The following DCBLD2 variants were observed in gnomAD, a reference collection of about 807,000 sequenced individuals.
DCBLD2 encodes discoidin, CUB and LCCL domain-containing protein 2.
In DCBLD2, 54 loss-of-function variants were observed where a neutral mutation model predicts 86.8. The observed-to-expected ratio is 0.62, with a 90% CI of 0.50 to 0.78. The LOEUF (loss-of-function observed/expected upper bound fraction) is 0.78, where lower values mean the gene tolerates loss of function less well. Among genes scored for constraint, DCBLD2 ranks in the 30% least tolerant of loss-of-function variants. The pLI, the probability that DCBLD2 is intolerant of heterozygous loss-of-function variation, is 0.00. For synonymous variants in DCBLD2, 354 were observed against 341.3 expected (o/e 1.04, Z -0.41); for missense variants, 908 against 954.2 (o/e 0.95, Z 0.64).
intron 4 of DCBLD2, among the ~76,000 whole-genome samples, chr3:98,824,350 C>T (rs1183459018): frequency 7.2e-5 from 11 of 151,994 alleles, no homozygotes; most frequent in Non-Finnish European, 1.5e-4. Flanking sequence ...ATAATGGGAG[C>T]TTGGATTTGT....
chr3:98,836,037 A>T (rs1265029724), intron 3 of DCBLD2, among the ~76,000 whole-genome samples: 1 of 130,332 alleles, frequency 7.7e-6, no homozygotes, highest in Non-Finnish European at 1.7e-5. Context: ...ATTTTATAGT[A>T]ATAAATCAGT....
At chr3:98,818,563 T>A (rs1028907022) in intron 8 of DCBLD2, among the ~76,000 whole-genome samples, 23 of 152,232 alleles carry the variant, frequency 1.5e-4, no homozygotes, top group African/African-American at 5.1e-4. Flanking sequence ...CCCAGGTGTG[T>A]CTGTGAGGGT....
chr3:98,809,968 T>A (rs1254293997), intron 12 of DCBLD2, among the ~76,000 whole-genome samples: 1 of 152,170 alleles, frequency 6.6e-6, no homozygotes, highest in Non-Finnish European at 1.5e-5. Flanking sequence ...ATCAGAGGCT[T>A]TAAAACATCT....
chr3:98,866,486 C>T (rs1296641359), intron 2 of DCBLD2, among the ~76,000 whole-genome samples: 3 of 152,140 alleles, frequency 2.0e-5, no homozygotes, highest in Admixed American at 6.5e-5. Flanking sequence ...TTTCATGTGT[C>T]TTTTGGCTGC....
At chr3:98,849,003 C>T in intron 3 of DCBLD2, among the ~76,000 whole-genome samples, 1 of 152,034 alleles carries the variant, frequency 6.6e-6, no homozygotes, top group Non-Finnish European at 1.5e-5. Flanking sequence ...AACCCCATCT[C>T]TACTAAAAAT....
At chr3:98,889,954 C>A (rs1424818012) in intron 1 of DCBLD2, among the ~76,000 whole-genome samples, 1 of 151,912 alleles carries the variant, frequency 6.6e-6, no homozygotes, top group Non-Finnish European at 1.5e-5. Context: ...ACATGGTGTC[C>A]CCTCACCACC....
intron 2 of DCBLD2, among the ~76,000 whole-genome samples, chr3:98,865,815 T>C (rs1355421009): frequency 6.6e-6 from 1 of 151,594 alleles, no homozygotes; most frequent in East Asian, 1.9e-4. Flanking sequence ...ACCCATTAAC[T>C]CGTCATTTAC....
chr3:98,863,395 G>A (rs1226628237), intron 2 of DCBLD2, among the ~76,000 whole-genome samples: 2 of 152,088 alleles, frequency 1.3e-5, no homozygotes, highest in Non-Finnish European at 2.9e-5. Flanking sequence ...AAAAAAAGCT[G>A]CATTGCCAAG....
intron 9 of DCBLD2, chr3:98,813,114 TAG>T (rs1156298530): frequency 6.6e-6 from 1 of 152,252 alleles, no homozygotes; most frequent in African/African-American, 2.4e-5. Flanking sequence ...TTTTTAGAGA[TAG>T]AGTCTTGCTC....
intron 9 of DCBLD2, among the ~76,000 whole-genome samples, chr3:98,816,821 G>A (rs6799478): frequency 0.021 from 3,168 of 151,942 alleles, 50 homozygotes; most frequent in East Asian, 0.054. Flanking sequence ...TCCCTCTGTC[G>A]CCCAGGCTGG....
chr3:98,852,200 T>C (rs145684474), intron 2 of DCBLD2, among the ~76,000 whole-genome samples: 104 of 152,300 alleles, frequency 6.8e-4, no homozygotes, highest in African/African-American at 2.5e-3. Flanking sequence ...GTGTGTTTAC[T>C]TGTAAAATTT....
chr3:98,885,414 A>C (rs1396497992), intron 1 of DCBLD2, among the ~76,000 whole-genome samples: 1 of 119,464 alleles, frequency 8.4e-6, no homozygotes, highest in Non-Finnish European at 1.9e-5. Context: ...AGACATATAC[A>C]TATTTTTTTT....
At position 98,850,290 on chromosome 3, in the gene DCBLD2, A is replaced by G. The variant is rs186764600; in HGVS notation, c.434-692T>C. Among the ~76,000 whole-genome samples, 1,168 of 152,360 alleles carry G rather than the reference A, an allele frequency of 7.7e-3. 8 individuals are homozygous for G. The highest frequency in any genetic ancestry group is 0.037 in the South Asian group (177 of 4,832). The stretch of plus-strand genomic sequence containing the variant: ...TTGTCTTGGGCCACACATAAAATGC[A>G]TTAACACTAATGACAGCTTTTGGGC... On this transcript the variant is annotated intron_variant, in intron 2 of 15. Transcript: ENST00000326840.
intron 3 of DCBLD2, among the ~76,000 whole-genome samples, chr3:98,845,928 T>C (rs191392672): frequency 1.7e-3 from 264 of 152,300 alleles, no homozygotes; most frequent in Non-Finnish European, 3.1e-3. Flanking sequence ...TTTATCAATC[T>C]TCCACTCCCC....
At chr3:98,816,657 G>T (rs1454650972) in intron 9 of DCBLD2, among the ~76,000 whole-genome samples, 2 of 152,082 alleles carry the variant, frequency 1.3e-5, no homozygotes, top group African/African-American at 4.8e-5. Flanking sequence ...GGAGGTTTTT[G>T]AACAAAGAGA....
At chr3:98,836,992 C>T (rs1376952994) in intron 3 of DCBLD2, among the ~76,000 whole-genome samples, 27 of 71,568 alleles carry the variant, frequency 3.8e-4, no homozygotes, top group African/African-American at 6.1e-4. Flanking sequence ...CCAGTAGGGG[C>T]GGCCGGGCAG....
intron 2 of DCBLD2, among the ~76,000 whole-genome samples, chr3:98,868,392 A>T (rs562536044): frequency 6.6e-5 from 10 of 152,302 alleles, no homozygotes; most frequent in Non-Finnish European, 1.2e-4. Flanking sequence ...TTATGAATGT[A>T]TATTCTGAGA....
chr3:98,827,036 T>G (rs1295289078), intron 3 of DCBLD2, among the ~76,000 whole-genome samples: 1 of 152,182 alleles, frequency 6.6e-6, no homozygotes, highest in Non-Finnish European at 1.5e-5. Context: ...TGTCTTGAAC[T>G]AGAGCTTAAT....
At chr3:98,816,597 T>A (rs1378593858) in intron 9 of DCBLD2, among the ~76,000 whole-genome samples, 3 of 152,030 alleles carry the variant, frequency 2.0e-5, no homozygotes, top group Non-Finnish European at 4.4e-5. Context: ...GAAAGAGGCC[T>A]TGAATAAAAG....
Sources: gnomAD v4.1 joint callset for allele counts (sites outside exome capture counted in the v4.1 genomes callset) on GRCh38, gnomAD v4.1.1 for gene constraint, MANE v1.5 for transcripts, NCBI Gene and HGNC (gene_info 2026-07-23, HGNC 2026-07-21) for gene names.